HDGF: variants seen among roughly 807,000 people sequenced by gnomAD.
The protein encoded by HDGF is hepatoma-derived growth factor.
HDGF carries 5 observed loss-of-function variants against 30.0 expected under a neutral mutation model. The observed-to-expected ratio is 0.17, with a 90% confidence interval of 0.09 to 0.35. HDGF has a LOEUF of 0.35. Among genes scored for constraint, HDGF ranks in the 10% least tolerant of loss-of-function variants. HDGF has a pLI of 1.00. For synonymous variants in HDGF, 133 were observed against 112.7 expected (o/e 1.18, Z -1.14); for missense variants, 214 against 302.8 (o/e 0.71, Z 2.18).
chr1:156,747,063 C>G (rs971815094), intron 1 of HDGF, among the ~76,000 whole-genome samples: 7 of 151,862 alleles, frequency 4.6e-5, no homozygotes, highest in African/African-American at 1.4e-4. Context: ...TCCAGCCCTT[C>G]CCCCCCAGGA....
intron 1 of HDGF, among the ~76,000 whole-genome samples, chr1:156,748,310 C>A (rs1268094077): frequency 6.6e-6 from 1 of 152,206 alleles, no homozygotes; most frequent in Non-Finnish European, 1.5e-5. Context: ...GAGGGCAGTT[C>A]TTCCTAGATG....
In HDGF at chr1:156,744,989, G is replaced by A; in HGVS notation, c.303+19C>T. ...CACATCTGCTTTCCAGGGGGTCTCT[G>A]GGGCAGGCGGTGGCTCACCTGATAG... On this transcript the variant is annotated intron_variant, in intron 3 of 5. Transcript: ENST00000357325. 6.2e-7 allele frequency: 1 copy of A among 1,613,568 alleles called. No individual in the cohort carries two copies. Among genetic ancestry groups the A allele is most frequent in the Admixed American group, 1.7e-5 (1 of 59,998 alleles).
rs1361665763 is a variant in HDGF at position 156,751,584 on chromosome 1, T to C, written c.-155A>G. 2 of 983,658 alleles carry C rather than the reference T, an allele frequency of 2.0e-6. No homozygotes were observed. The allele number at this position is 983,658 out of a possible 1,614,324, so 60.9% of individuals were successfully genotyped here. A position where few individuals can be genotyped will look rare whatever the true frequency, so the allele number is the denominator to read the frequency against. Reference sequence around the variant, plus strand: ...CCCGAGCTCCGGCGCGGCCACGGCGTCTCCGCCCGCGCGCCGCACGGACGG... The same window carrying C: ...CCCGAGCTCCGGCGCGGCCACGGCGCCTCCGCCCGCGCGCCGCACGGACGG... On this transcript the variant is annotated 5_prime_UTR_variant, in exon 1 of 6. Transcript: ENST00000357325. The surrounding 1 kb of genome is among the most constrained non-coding windows in gnomAD (Gnocchi z 4.7).
At position 156,743,275 on chromosome 1, in the gene HDGF, G is replaced by T. The variant is rs1215468134; in HGVS notation, c.*174C>A. 2 of 654,158 alleles carry T rather than the reference G, an allele frequency of 3.1e-6. No homozygotes were observed. The highest frequency in any genetic ancestry group is 3.7e-5 in the African/African-American group (2 of 53,358). 40.5% of individuals were successfully genotyped at this position (654,158 alleles called of 1,614,324 possible). On this transcript the variant is annotated 3_prime_UTR_variant, in exon 6 of 6. Coordinates refer to ENST00000357325, the MANE Select transcript of HDGF (RefSeq NM_004494.3). ...CCTAGAGGTGAGAGCCAGGTGGCCT[G>T]CCCCATCCAGGTCAATCTCCATGGG...
At chr1:156,756,857 A>G (rs1170273927), upstream of HDGF, among the ~76,000 whole-genome samples, 2 of 148,100 alleles carry the variant, frequency 1.4e-5, no homozygotes, top group South Asian at 2.1e-4. Context: ...CAGTGGCGCA[A>G]TCTCAGCTCA....
chr1:156,753,710 C>G (rs947342485), upstream of HDGF, among the ~76,000 whole-genome samples: 6 of 151,258 alleles, frequency 4.0e-5, no homozygotes, highest in African/African-American at 1.2e-4. Flanking sequence ...GCCACCACGC[C>G]CGGCTAATTT....
Position 156,751,288 on chromosome 1 carries a change from T to A in HDGF, c.87+55A>T, listed in dbSNP as rs940285488. ...CGCGGAGCGCTCGTGCCCTTCCCGG[T>A]GTTATGCAACCCAAGCCCGCAGGGG... On this transcript the variant is annotated intron_variant, in intron 1 of 5. Transcript: ENST00000357325. This position sits in a 1 kb window ranked among gnomAD's most constrained non-coding sequence, Gnocchi z 4.7. The A allele has an allele frequency of 1.9e-6, 3 of 1,575,268 alleles. No individual in the cohort carries two copies. Among genetic ancestry groups the A allele is most frequent in the Non-Finnish European group, 2.6e-6 (3 of 1,158,752 alleles).
chr1:156,746,784 C>T (rs1342676680), intron 1 of HDGF, among the ~76,000 whole-genome samples: 1 of 152,180 alleles, frequency 6.6e-6, no homozygotes, highest in East Asian at 1.9e-4. Flanking sequence ...GGCTTCCCGC[C>T]GGACAGAGGC....
intron 1 of HDGF, chr1:156,750,850 G>A (rs1437335955): frequency 6.6e-6 from 1 of 152,358 alleles, no homozygotes; most frequent in East Asian, 1.9e-4. Flanking sequence ...GCCCTCTCCG[G>A]GTTGGGATCC....
upstream of HDGF, chr1:156,751,946 G>C: frequency 8.4e-7 from 1 of 1,191,524 alleles, no homozygotes. The surrounding 1 kb of genome is among the most constrained non-coding windows in gnomAD (Gnocchi z 4.7). Flanking sequence ...TTGTGTGCCC[G>C]CGGTCGGTGG....
At chr1:156,761,452 T>C (rs952331926) in intron 1 of HDGF, among the ~76,000 whole-genome samples, 2 of 147,046 alleles carry the variant, frequency 1.4e-5, no homozygotes, top group African/African-American at 5.1e-5. Context: ...CTACTAAAAA[T>C]ATAAAAACTA....
upstream of HDGF, among the ~76,000 whole-genome samples, chr1:156,756,222 A>G (rs770118734): frequency 1.3e-5 from 2 of 152,224 alleles, no homozygotes; most frequent in Non-Finnish European, 2.9e-5. Flanking sequence ...ACTGCACTCC[A>G]GCCTGGACGA....
chr1:156,762,998 G>C (rs991344760), intron 1 of HDGF, among the ~76,000 whole-genome samples: 1 of 152,156 alleles, frequency 6.6e-6, no homozygotes, highest in African/African-American at 2.4e-5. Context: ...TTGGTTCTCA[G>C]CTCTCTTAGA....
At chr1:156,764,181 G>C (rs1276970795) in intron 1 of HDGF, among the ~76,000 whole-genome samples, 1 of 151,980 alleles carries the variant, frequency 6.6e-6, no homozygotes, top group African/African-American at 2.4e-5. Context: ...GCCTCCTTAA[G>C]TGCTGGGATT....
upstream of HDGF, chr1:156,752,419 A>G: frequency 6.8e-7 from 1 of 1,478,156 alleles, no homozygotes; most frequent in South Asian, 1.2e-5. Flanking sequence ...CTCAACGGCT[A>G]GCTAACCCCG....
intron 1 of HDGF, among the ~76,000 whole-genome samples, chr1:156,763,934 G>C (rs539924430): frequency 6.6e-6 from 1 of 152,114 alleles, no homozygotes; most frequent in South Asian, 2.1e-4. Flanking sequence ...GTCATGCTCT[G>C]TCACCCAGGC....
upstream of HDGF, among the ~76,000 whole-genome samples, chr1:156,756,370 T>C (rs1041959517): frequency 6.6e-6 from 1 of 152,200 alleles, no homozygotes; most frequent in Non-Finnish European, 1.5e-5. Context: ...TAATATTTGG[T>C]TTGAAAAAAA....
intron 1 of HDGF, among the ~76,000 whole-genome samples, chr1:156,746,531 C>T (rs941713878): frequency 6.6e-6 from 1 of 152,362 alleles, no homozygotes; most frequent in South Asian, 2.1e-4. Context: ...TTGTTGAGGG[C>T]CAGGTCTCAG....
intron 1 of HDGF, among the ~76,000 whole-genome samples, chr1:156,765,477 T>TTC (rs1553251486): frequency 5.4e-5 from 7 of 129,608 alleles, no homozygotes; most frequent in Non-Finnish European, 8.2e-5. Flanking sequence ...TCTTTCTTTT[T>TTC]TTTTTTTTTT....
Sources: allele counts gnomAD v4.1 joint callset (sites outside exome capture counted in the v4.1 genomes callset), GRCh38; gene constraint gnomAD v4.1.1; non-coding constraint Gnocchi (gnomAD v3.1); transcripts MANE v1.5; gene names NCBI Gene and HGNC (gene_info 2026-07-23, HGNC 2026-07-21).